The following PBRM1 variants were observed in gnomAD, a reference collection of about 807,000 sequenced individuals.
PBRM1 encodes polybromo 1.
In PBRM1, 27 loss-of-function variants were observed where a neutral mutation model predicts 194.5. The ratio of observed to expected loss-of-function variants is 0.14; its 90% CI spans 0.10 to 0.19. The LOEUF is 0.19. Among genes scored for constraint, PBRM1 ranks in the 10% least tolerant of loss-of-function variants. The pLI is 1.00. For synonymous variants in PBRM1, 655 were observed against 693.2 expected, an observed-to-expected ratio of 0.94 and a Z score of 0.87; for missense variants, 1,466 against 2,077.2, an observed-to-expected ratio of 0.71 and a Z score of 5.72.
upstream of PBRM1, chr3:52,681,878 T>TA (rs544462692): frequency 2.9e-4 from 53 of 179,696 alleles, no homozygotes; most frequent in East Asian, 3.8e-3. Flanking sequence ...TCAGAAGGAG[T>TA]AAAAATGAGT....
chr3:52,613,961 CT>C (rs2153459202), intron 15 of PBRM1, among the ~76,000 whole-genome samples: 1 of 152,256 alleles, frequency 6.6e-6, no homozygotes, highest in African/African-American at 2.4e-5. Context: ...TTCTGCAAAC[CT>C]TCTGTATGCT....
chr3:52,680,886 C>T (rs1226654415), upstream of PBRM1, among the ~76,000 whole-genome samples: 2 of 151,882 alleles, frequency 1.3e-5, no homozygotes, highest in African/African-American at 4.8e-5. Context: ...GTCCCAATCT[C>T]TTGACCTCGT....
intron 22 of PBRM1, among the ~76,000 whole-genome samples, chr3:52,568,054 C>T (rs573514570): frequency 2.6e-5 from 4 of 152,178 alleles, no homozygotes; most frequent in Non-Finnish European, 4.4e-5. Context: ...TTCTGGCTCA[C>T]TGCAACCTCT....
At chr3:52,545,925 A>G (rs553220136), downstream of PBRM1, 1 of 233,114 alleles carries the variant, frequency 4.3e-6, no homozygotes, top group Admixed American at 5.6e-5. Flanking sequence ...CCAAGTTAAT[A>G]TACAGAAAAA....
chr3:52,616,218 T>A (rs555977749), intron 14 of PBRM1, among the ~76,000 whole-genome samples: 15 of 152,356 alleles, frequency 9.8e-5, no homozygotes, highest in South Asian at 2.1e-4. Context: ...ACCATTTTTT[T>A]ATCTATAAGC....
intron 6 of PBRM1, among the ~76,000 whole-genome samples, chr3:52,650,880 T>C (rs1349259640): frequency 6.6e-6 from 1 of 152,156 alleles, no homozygotes; most frequent in Admixed American, 6.6e-5. Flanking sequence ...CCCTATACTT[T>C]CCCTTACTTC....
intron 13 of PBRM1, among the ~76,000 whole-genome samples, chr3:52,623,721 T>C (rs1268520365): frequency 6.6e-6 from 1 of 152,188 alleles, no homozygotes; most frequent in Non-Finnish European, 1.5e-5. Flanking sequence ...GGTACTGTCA[T>C]TAACTTGTTT....
At chr3:52,597,402 G>A (rs2093653802) in intron 17 of PBRM1, among the ~76,000 whole-genome samples, 1 of 152,114 alleles carries the variant, frequency 6.6e-6, no homozygotes, top group Admixed American at 6.6e-5. Flanking sequence ...CTTGGTATTA[G>A]ATATGTAATT....
intron 16 of PBRM1, 145 bp from the exon 19 acceptor site, chr3:52,603,877 G>T: frequency 2.6e-6 from 2 of 773,176 alleles, no homozygotes; most frequent in Non-Finnish European, 4.0e-6. Flanking sequence ...TCCGAAGTTT[G>T]TTAGAACAAA....
chr3:52,568,844 G>A (rs975985806), intron 22 of PBRM1, among the ~76,000 whole-genome samples: 8 of 152,040 alleles, frequency 5.3e-5, no homozygotes, highest in Non-Finnish European at 1.0e-4. Flanking sequence ...TATCTGGTAA[G>A]GATAGATCCC....
intron 5 of PBRM1, 47 bp from the exon 7 acceptor site, chr3:52,651,857 C>G: frequency 8.0e-7 from 1 of 1,248,672 alleles, no homozygotes; most frequent in African/African-American, 1.5e-5. Flanking sequence ...AACTATTCAG[C>G]TAATGAAAAG....
chr3:52,651,368 A>G (rs2096488099), intron 6 of PBRM1, among the ~76,000 whole-genome samples: 1 of 152,174 alleles, frequency 6.6e-6, no homozygotes, highest in Admixed American at 6.5e-5. Context: ...AAAAATAAAC[A>G]ACAGGTTACC....
chr3:52,555,412 C>A (rs796396166), intron 26 of PBRM1, among the ~76,000 whole-genome samples: 4 of 152,224 alleles, frequency 2.6e-5, no homozygotes, highest in African/African-American at 9.6e-5. Context: ...ACATCTACTC[C>A]TCCTTTCTAG....
intron 13 of PBRM1, among the ~76,000 whole-genome samples, chr3:52,619,674 C>G (rs1301467824): frequency 5.3e-5 from 8 of 152,128 alleles, no homozygotes; most frequent in Admixed American, 4.6e-4. Flanking sequence ...TGGTCCAGTC[C>G]CCTGACTACT....
chr3:52,598,761 CT>C (rs1391256469), intron 17 of PBRM1, among the ~76,000 whole-genome samples: 1 of 152,152 alleles, frequency 6.6e-6, no homozygotes, highest in Non-Finnish European at 1.5e-5. Context: ...TGGCTCACGC[CT>C]GTAATCCTAG....
At chr3:52,652,427 A>G (rs1364514135) in intron 5 of PBRM1, among the ~76,000 whole-genome samples, 4 of 148,820 alleles carry the variant, frequency 2.7e-5, no homozygotes, top group African/African-American at 5.0e-5. Context: ...GGTGGCTCAC[A>G]CCTGTAATCC....
At chr3:52,644,663 A>G (rs758471834) in intron 8 of PBRM1, 41 bp downstream of exon 9, 96 of 949,324 alleles carry the variant, frequency 1.0e-4, no homozygotes, top group Non-Finnish European at 1.5e-4. Flanking sequence ...GATTACAGGC[A>G]TGAGCCACCA....
At chr3:52,685,762 C>A (rs2097304402) in exon 1 of PBRM1, 2 of 222,570 alleles carry the variant, frequency 9.0e-6, no homozygotes, top group South Asian at 2.5e-4. Flanking sequence ...GCCGCTCCGC[C>A]GCCTGCAGCC....
chr3:52,594,214 C>T (rs1375035906), intron 17 of PBRM1, among the ~76,000 whole-genome samples: 1 of 152,028 alleles, frequency 6.6e-6, no homozygotes, highest in African/African-American at 2.4e-5. Context: ...GGAGTGTAAG[C>T]CTCTCTGAAG....
Sources: allele counts gnomAD v4.1 joint callset (sites outside exome capture counted in the v4.1 genomes callset), GRCh38; gene constraint gnomAD v4.1.1; transcripts MANE v1.5; gene names NCBI Gene and HGNC (gene_info 2026-07-23, HGNC 2026-07-21).